NEO1: variants seen among roughly 807,000 people sequenced by gnomAD.
NEO1 encodes the protein neogenin 1.
A neutral mutation model predicts 159.7 loss-of-function variants in NEO1; 63 were observed. That is an observed-to-expected ratio of 0.39 (90% CI 0.32 to 0.49). NEO1 has a LOEUF of 0.49. Among genes scored for constraint, NEO1 ranks in the 20% least tolerant of loss-of-function variants. NEO1 has a pLI of 0.85. For synonymous variants in NEO1, 633 were observed against 662.0 expected (o/e 0.96, Z 0.67); for missense variants, 1,615 against 1,831.0 (o/e 0.88, Z 2.15).
intron 4 of NEO1, 111 bp from the exon 5 acceptor site, chr15:73,135,780 A>AT (rs1404974321): frequency 1.4e-5 from 14 of 969,782 alleles, no homozygotes; most frequent in Non-Finnish European, 2.0e-5. Context: ...CTATAGCTAT[A>AT]TAAATAATAA....
In NEO1 at chr15:73,070,426, CAT is replaced by C. The variant is rs542627915; in HGVS notation, c.130+17622_130+17623del. On this transcript the variant is annotated intron_variant, in intron 1 of 28. Transcript: ENST00000261908. ...AATTTTACTAGCTGTAGATATAACTCATGTGAGTGTAACTCAACTCGGTAGAA... is the reference window on the plus strand; with the variant it reads ...AATTTTACTAGCTGTAGATATAACTCGTGAGTGTAACTCAACTCGGTAGAA... Among the ~76,000 whole-genome samples, 203 of 152,260 alleles carry C rather than the reference CAT, an allele frequency of 1.3e-3. 1 individual carries two copies. The highest frequency in any genetic ancestry group is 4.0e-3 in the African/African-American group (167 of 41,562).
chr15:73,297,826 G>GT (rs1290227436), intron 26 of NEO1, among the ~76,000 whole-genome samples: 1 of 152,190 alleles, frequency 6.6e-6, no homozygotes, highest in Non-Finnish European at 1.5e-5. Context: ...TGAGCTATGG[G>GT]TTTTTTGCTG....
rs539003747 is a variant in NEO1, at chr15:73,233,452, C to T, written c.1292-2895C>T. On this transcript the variant is annotated intron_variant, in intron 7 of 28. Coordinates refer to ENST00000261908, the MANE Select transcript of NEO1 (RefSeq NM_002499.4). Reference sequence around the variant, plus strand: ...GAGATTCTAGAAACATTGTCTTCATCGTACTCATGTTCTCCCTGAATTTCC... The same window carrying T: ...GAGATTCTAGAAACATTGTCTTCATTGTACTCATGTTCTCCCTGAATTTCC... Among the ~76,000 whole-genome samples the T allele has an allele frequency of 5.9e-5, 9 of 152,202 alleles. No homozygotes were observed. In the South Asian group the frequency reaches 8.3e-4, roughly 14 times the overall value.
chr15:73,057,332 TAATA>T (rs1313062234), intron 1 of NEO1, among the ~76,000 whole-genome samples: 3 of 152,184 alleles, frequency 2.0e-5, no homozygotes, highest in Non-Finnish European at 4.4e-5. Context: ...GGGGTAACCT[TAATA>T]AATCTCATTA....
intron 25 of NEO1, among the ~76,000 whole-genome samples, chr15:73,290,366 A>G (rs1257634821): frequency 2.0e-5 from 3 of 148,614 alleles, no homozygotes; most frequent in African/African-American, 7.4e-5. Context: ...TCGGCCTCCC[A>G]AGCAGCTGGG....
At chr15:73,182,649 G>A (rs1002137983) in intron 7 of NEO1, among the ~76,000 whole-genome samples, 4 of 152,162 alleles carry the variant, frequency 2.6e-5, no homozygotes, top group Admixed American at 2.6e-4. Flanking sequence ...AGAGAGAATG[G>A]GAGTCAAGTG....
intron 16 of NEO1, among the ~76,000 whole-genome samples, chr15:73,269,138 C>A (rs910767845): frequency 2.0e-5 from 3 of 152,116 alleles, no homozygotes; most frequent in Admixed American, 2.0e-4. Context: ...CTGAACTTGA[C>A]CCTTTGTGGG....
chr15:73,110,422 C>T (rs1457158808), intron 1 of NEO1, among the ~76,000 whole-genome samples: 2 of 152,200 alleles, frequency 1.3e-5, no homozygotes, highest in Non-Finnish European at 2.9e-5. Context: ...TTTCATTTTA[C>T]TTCTGCAAGT....
chr15:73,072,491 CT>C (rs1284648099), intron 1 of NEO1, among the ~76,000 whole-genome samples: 1 of 152,030 alleles, frequency 6.6e-6, no homozygotes, highest in Non-Finnish European at 1.5e-5. Flanking sequence ...TTCAGTAAAC[CT>C]TTATTGAGTA....
At chr15:73,053,097 C>A (rs531151559) in intron 1 of NEO1, among the ~76,000 whole-genome samples, 1 of 152,226 alleles carries the variant, frequency 6.6e-6, no homozygotes, top group South Asian at 2.1e-4. Context: ...CTCCCCCAGG[C>A]TCATCCCACT....
At chr15:73,092,947 T>G (rs1260626842) in intron 1 of NEO1, among the ~76,000 whole-genome samples, 1 of 152,246 alleles carries the variant, frequency 6.6e-6, no homozygotes, top group Non-Finnish European at 1.5e-5. Flanking sequence ...CCTTTTTTTC[T>G]GTTCCAGAAT....
At position 73,278,069 on chromosome 15, in the gene NEO1, A is replaced by G. The variant is rs1054593488; in HGVS notation, c.3194-62A>G. ...TTTTTGTTTAAAACACTCCCTAGCT[A>G]TGAAGTGGACTGTCACGCCAAATGT... On this transcript the variant is annotated intron_variant, in intron 21 of 28. Transcript: ENST00000261908. The G allele has an allele frequency of 1.3e-5, 19 of 1,444,380 alleles. No individual in the cohort carries two copies. In the African/African-American group the frequency reaches 1.5e-4, roughly 12 times the overall value. 89.5% of individuals were successfully genotyped at this position (1,444,380 alleles called of 1,614,324 possible).
At chr15:73,171,573 A>G (rs2034965604) in intron 5 of NEO1, among the ~76,000 whole-genome samples, 1 of 151,484 alleles carries the variant, frequency 6.6e-6, no homozygotes, top group African/African-American at 2.4e-5. Flanking sequence ...CAGTTAGTGA[A>G]ATGTGAATAC....
In NEO1 at chr15:73,270,438, G is replaced by C; in HGVS notation, c.2841G>C (p.Gly947=). 1 of 1,613,196 alleles carries C rather than the reference G, an allele frequency of 6.2e-7. No individual in the cohort carries two copies. Among genetic ancestry groups the C allele is most frequent in the Non-Finnish European group, 8.5e-7 (1 of 1,179,862 alleles). The change falls in exon 18 of 29, where the codon GGG becomes GGC. Residue 947 remains glycine, a synonymous_variant. Transcript: ENST00000261908. ...RSSTWSMTAH[G]TTFELVPTSP... The stretch of plus-strand genomic sequence containing the variant: ...GTACATGGAGTATGACAGCCCATGG[G>C]ACCACCTTTGAATTAGGTATGTGTT...
rs1374168028 is a variant in NEO1 at position 73,189,083 on chromosome 15, A to T, written c.1291+10656A>T. Among the ~76,000 whole-genome samples the T allele has an allele frequency of 2.6e-5, 4 of 152,350 alleles. No homozygotes were observed. In the East Asian group the frequency reaches 5.8e-4, roughly 22 times the overall value. On this transcript the variant is annotated intron_variant, in intron 7 of 28. Transcript: ENST00000261908. The stretch of plus-strand genomic sequence containing the variant: ...CACTGCACTCTAGCCTGGGCAACAG[A>T]GCAAGACCACCACCCTACCCATGCA...
intron 7 of NEO1, among the ~76,000 whole-genome samples, chr15:73,208,938 G>C (rs1479288509): frequency 6.6e-6 from 1 of 152,188 alleles, no homozygotes; most frequent in East Asian, 1.9e-4. Context: ...GACAGCAGTT[G>C]TCAAGCATAA....
chr15:73,119,455 T>C (rs2071507057), intron 2 of NEO1, among the ~76,000 whole-genome samples: 1 of 152,238 alleles, frequency 6.6e-6, no homozygotes, highest in Non-Finnish European at 1.5e-5. Context: ...CTGAGCTGTC[T>C]CATTTCTCCA....
chr15:73,158,493 G>A, intron 5 of NEO1, among the ~76,000 whole-genome samples: 1 of 151,764 alleles, frequency 6.6e-6, no homozygotes, highest in Non-Finnish European at 1.5e-5. Flanking sequence ...GACTTCCTGG[G>A]CTCAAGCAAT....
chr15:73,140,458 A>T (rs1298317366), intron 5 of NEO1, among the ~76,000 whole-genome samples: 2 of 152,158 alleles, frequency 1.3e-5, no homozygotes, highest in African/African-American at 4.8e-5. Context: ...CAGGAGACTG[A>T]AGCAGGAGGA....
Sources: allele counts gnomAD v4.1 joint callset (sites outside exome capture counted in the v4.1 genomes callset), GRCh38; gene constraint gnomAD v4.1.1; transcripts MANE v1.5; gene names NCBI Gene and HGNC (gene_info 2026-07-23, HGNC 2026-07-21).